Variants in DPP6 observed in about 807,000 individuals in gnomAD.
DPP6 encodes the protein A-type potassium channel modulatory protein DPP6.
Under a neutral mutation model 122.6 loss-of-function variants are expected in DPP6, and 69 were observed. The observed-to-expected ratio is 0.56, with a 90% CI of 0.46 to 0.69. The LOEUF (loss-of-function observed/expected upper bound fraction) is 0.69. DPP6 is among the 30% of genes least tolerant of loss of function. The pLI is 0.00. For synonymous variants in DPP6, 418 were observed against 433.1 expected (o/e 0.97, Z 0.43); for missense variants, 928 against 1,116.9 (o/e 0.83, Z 2.41).
At chr7:154,690,266 G>A (rs1839859750) in intron 7 of DPP6, among the ~76,000 whole-genome samples, 1 of 152,178 alleles carries the variant, frequency 6.6e-6, no homozygotes, top group Non-Finnish European at 1.5e-5. Context: ...CCCATCCAGA[G>A]TTTTTACAGA....
In DPP6 at chr7:154,727,121, C is replaced by T. The variant is rs183473586; in HGVS notation, c.763-646C>T. Among the ~76,000 whole-genome samples, 167 of 152,272 alleles carry T rather than the reference C, an allele frequency of 1.1e-3. No homozygotes were observed. In the Middle Eastern group the frequency reaches 0.034, roughly 31 times the overall value. ...TCAGTACCAGTTTTCTGTATTCATT[C>T]CCACATTGCTCTAAAGAACTACCTG... On this transcript the variant is annotated intron_variant, in intron 7 of 25. Transcript: ENST00000377770.
intron 1 of DPP6, among the ~76,000 whole-genome samples, chr7:154,331,968 T>C (rs992498084): frequency 1.3e-5 from 2 of 152,212 alleles, no homozygotes; most frequent in African/African-American, 4.8e-5. Context: ...TTTCATATTC[T>C]CACCAATTTG....
the DPP6 span, among the ~76,000 whole-genome samples, chr7:153,822,249 G>A: frequency 7.1e-6 from 1 of 140,112 alleles, no homozygotes; most frequent in Non-Finnish European, 1.5e-5. Context: ...GAGTGCAGTG[G>A]TGCCATCTCA....
the DPP6 span, among the ~76,000 whole-genome samples, chr7:153,875,936 A>AC: frequency 6.6e-6 from 1 of 151,372 alleles, no homozygotes; most frequent in African/African-American, 2.4e-5. Flanking sequence ...AAAAAAAAAA[A>AC]AAACCCTGAA....
chr7:154,799,477 G>T (rs897026787), intron 12 of DPP6, among the ~76,000 whole-genome samples: 2 of 152,206 alleles, frequency 1.3e-5, no homozygotes, highest in African/African-American at 4.8e-5. Context: ...ATTTGCCATA[G>T]AACCCCAGAG....
intron 1 of DPP6, among the ~76,000 whole-genome samples, chr7:154,158,827 C>A (rs1194305951): frequency 1.3e-5 from 2 of 152,074 alleles, no homozygotes; most frequent in African/African-American, 4.8e-5. Context: ...AGGGCGGAAT[C>A]CCTCCACCTC....
chr7:154,869,337 G>A (rs144102264), intron 18 of DPP6, among the ~76,000 whole-genome samples: 180 of 152,302 alleles, frequency 1.2e-3, no homozygotes, highest in African/African-American at 4.1e-3. Context: ...CTCACCCCAC[G>A]AAACAAAAAC....
chr7:154,371,756 TGAC>T (rs1216809635), intron 1 of DPP6, among the ~76,000 whole-genome samples: 3 of 152,114 alleles, frequency 2.0e-5, no homozygotes, highest in Non-Finnish European at 2.9e-5. Flanking sequence ...CAGATACCTG[TGAC>T]CCGTGATTTC....
chr7:154,618,899 C>T lies in DPP6; in HGVS notation c.628-18922C>T, dbSNP rs1834446138. Among the ~76,000 whole-genome samples, 1 of 152,172 alleles carries T rather than the reference C, an allele frequency of 6.6e-6. No individual in the cohort carries two copies. Among genetic ancestry groups the T allele is most frequent in the African/African-American group, 2.4e-5 (1 of 41,438 alleles). ...ACCCAAATCTCATCTTGAATTGTAG[C>T]TCCCATTATCCCTACATGTTGTAGG... On this transcript the variant is annotated intron_variant, in intron 5 of 25. Transcript: ENST00000377770. The surrounding 1 kb of genome is among the most constrained non-coding windows in gnomAD (Gnocchi z 4.1).
chr7:153,914,955 T>C (rs887089698), intron 1 of DPP6, among the ~76,000 whole-genome samples: 3 of 152,244 alleles, frequency 2.0e-5, no homozygotes, highest in Non-Finnish European at 4.4e-5. Context: ...TTATTTAAAA[T>C]TTCAAACTAT....
chr7:154,605,644 T>A lies in DPP6; in HGVS notation c.628-32177T>A. On this transcript the variant is annotated intron_variant, in intron 5 of 25. Coordinates refer to ENST00000377770, the MANE Select transcript of DPP6 (RefSeq NM_130797.4). Reference sequence around the variant, plus strand: ...ATATAATTTTGCATGTTAGTACTATTCTCAAAGACCTATAGTTTGGTTTTC... The same window carrying A: ...ATATAATTTTGCATGTTAGTACTATACTCAAAGACCTATAGTTTGGTTTTC... Among the ~76,000 whole-genome samples the A allele has an allele frequency of 1.7e-5, 2 of 120,338 alleles. 1 individual carries two copies. Among genetic ancestry groups the A allele is most frequent in the Non-Finnish European group, 3.7e-5 (2 of 53,342 alleles). The allele number at this position is 120,338 out of a possible 152,430, so 78.9% of individuals were successfully genotyped here.
intron 1 of DPP6, among the ~76,000 whole-genome samples, chr7:153,984,394 A>G (rs1231156421): frequency 6.6e-6 from 1 of 152,212 alleles, no homozygotes; most frequent in Non-Finnish European, 1.5e-5. Context: ...AGACAATATT[A>G]CCAGAAATCA....
chr7:154,179,565 C>T (rs549938417), intron 1 of DPP6, among the ~76,000 whole-genome samples: 12 of 152,244 alleles, frequency 7.9e-5, no homozygotes, highest in Admixed American at 3.9e-4. Flanking sequence ...GCATGAGCTC[C>T]CCATGTCTGG....
At chr7:154,793,504 A>G (rs1442234236) in intron 10 of DPP6, 1 of 152,212 alleles carries the variant, frequency 6.6e-6, no homozygotes, top group Non-Finnish European at 1.5e-5. Flanking sequence ...AGTTCGCCTG[A>G]AGCCCAGAGC....
chr7:154,475,381 C>T lies in DPP6; in HGVS notation c.457+344C>T, dbSNP rs892534080. Reference sequence around the variant, plus strand: ...TTAGCAACAGGAACAGTGCAGGGCACGGTGAGCTTTCCTTCCTTCTCCACA... The same window carrying T: ...TTAGCAACAGGAACAGTGCAGGGCATGGTGAGCTTTCCTTCCTTCTCCACA... On this transcript the variant is annotated intron_variant, in intron 3 of 25. Transcript: ENST00000377770. 9.4e-5 allele frequency: 30 copies of T among 319,676 alleles called. 1 individual carries two copies. The highest frequency in any genetic ancestry group is 7.9e-4 in the South Asian group (29 of 36,620). The allele number at this position is 319,676 out of a possible 1,614,324, so 19.8% of individuals were successfully genotyped here. A position where few individuals can be genotyped will look rare whatever the true frequency, so the allele number is the denominator to read the frequency against.
chr7:154,053,343 C>A (rs886874180), intron 1 of DPP6, among the ~76,000 whole-genome samples: 1 of 152,100 alleles, frequency 6.6e-6, no homozygotes, highest in Admixed American at 6.5e-5. Context: ...ATTCGCCTTA[C>A]GTTCCCTGGG....
At chr7:153,882,498 C>G (rs1014515215), upstream of DPP6, among the ~76,000 whole-genome samples, 1 of 152,240 alleles carries the variant, frequency 6.6e-6, no homozygotes, top group Non-Finnish European at 1.5e-5. Flanking sequence ...GAGGAATCTG[C>G]TCCTGTGCTG....
chr7:154,337,591 A>T (rs755430926), intron 1 of DPP6, among the ~76,000 whole-genome samples: 2 of 152,172 alleles, frequency 1.3e-5, no homozygotes, highest in Non-Finnish European at 2.9e-5. Context: ...GTCTTCAAAG[A>T]GCTCAGAGAT....
intron 1 of DPP6, among the ~76,000 whole-genome samples, chr7:154,040,203 A>G (rs1799688984): frequency 7.1e-6 from 1 of 141,144 alleles, no homozygotes. Context: ...TTTTGCAAAG[A>G]TAGAGGTGCT....
Sources: gnomAD v4.1 joint callset for allele counts (sites outside exome capture counted in the v4.1 genomes callset) on GRCh38, gnomAD v4.1.1 for gene constraint, Gnocchi (gnomAD v3.1) non-coding constraint, MANE v1.5 for transcripts, NCBI Gene and HGNC (gene_info 2026-07-23, HGNC 2026-07-21) for gene names.